ATP6V1C2: variants seen among roughly 807,000 people sequenced by gnomAD.
The protein encoded by ATP6V1C2 is ATPase H+ transporting V1 subunit C2.
ATP6V1C2 carries 45 observed loss-of-function variants against 56.8 expected under a neutral mutation model. The observed-to-expected ratio is 0.79, with a 90% CI of 0.62 to 1.02. The LOEUF (loss-of-function observed/expected upper bound fraction) is 1.02, where lower values mean the gene tolerates loss of function less well. Among genes scored for constraint, ATP6V1C2 ranks in the 50% least tolerant of loss-of-function variants. The probability of loss-of-function intolerance (pLI) is 0.00; values close to 1 mark genes in which losing one functional copy is unlikely to be tolerated. For missense variants in ATP6V1C2, 463 were observed against 519.7 expected (o/e 0.89, Z 1.06); for synonymous variants, 220 against 201.3 (o/e 1.09, Z -0.79).
Position 10,777,566 on chromosome 2 carries a change from A to G in ATP6V1C2, c.826-19A>G, listed in dbSNP as rs763772570. On this transcript the variant is annotated intron_variant, in intron 10 of 13. Transcript: ENST00000272238. ...TGCATGTTTGCTGAAAGATTAATAA[A>G]TCATTTCTGTGCCTTTAGCAAACTT... The G allele has an allele frequency of 2.1e-5, 34 of 1,602,110 alleles. No homozygotes were observed. Among genetic ancestry groups the G allele is most frequent in the Non-Finnish European group, 2.4e-5 (28 of 1,176,790 alleles).
chr2:10,729,249 C>T (rs1188799089), intron 3 of ATP6V1C2, among the ~76,000 whole-genome samples: 1 of 151,538 alleles, frequency 6.6e-6, no homozygotes, highest in Non-Finnish European at 1.5e-5. Flanking sequence ...ACTACAGCCT[C>T]TGCCTCCCAA....
intron 8 of ATP6V1C2, among the ~76,000 whole-genome samples, chr2:10,773,400 T>A (rs536674450): frequency 6.6e-6 from 1 of 152,314 alleles, no homozygotes; most frequent in Non-Finnish European, 1.5e-5. Context: ...TTCCTTTTTT[T>A]GAGATGGAGT....
In ATP6V1C2 at chr2:10,772,617, G is replaced by A; in HGVS notation, c.638+7G>A. 1.2e-6 allele frequency: 2 copies of A among 1,613,172 alleles called. No homozygotes were observed. The highest frequency in any genetic ancestry group is 1.7e-6 in the Non-Finnish European group (2 of 1,179,136). On this transcript the variant is annotated splice_region_variant and intron_variant, in intron 8 of 13. Transcript: ENST00000272238. ...TGGTCCCTCGATCAACCAAGTAAGT[G>A]AGACCCCAGCTTGGTCCCAGGGCCC...
chr2:10,725,636 G>A (rs1160626695), intron 2 of ATP6V1C2, among the ~76,000 whole-genome samples: 2 of 150,306 alleles, frequency 1.3e-5, no homozygotes, highest in African/African-American at 2.4e-5. Flanking sequence ...CTTGGATTAC[G>A]GGCACATGCC....
intron 3 of ATP6V1C2, among the ~76,000 whole-genome samples, chr2:10,728,655 AG>A (rs895467412): frequency 6.6e-6 from 1 of 151,904 alleles, no homozygotes; most frequent in African/African-American, 2.4e-5. Context: ...ATGTGCCTGT[AG>A]TGCCAGCTAT....
chr2:10,742,409 C>T (rs1163845900), intron 3 of ATP6V1C2, among the ~76,000 whole-genome samples: 3 of 152,162 alleles, frequency 2.0e-5, no homozygotes, highest in African/African-American at 7.2e-5. Context: ...AAGGGAGCGG[C>T]CTGTGCAGTT....
At chr2:10,764,285 T>G in intron 4 of ATP6V1C2, 46 bp from the exon 5 acceptor site, 1 of 1,493,470 alleles carries the variant, frequency 6.7e-7, no homozygotes, top group South Asian at 1.1e-5. Flanking sequence ...CAATCATGGA[T>G]GCAGAGCGCA....
chr2:10,770,918 A>G (rs1206186454), intron 6 of ATP6V1C2, among the ~76,000 whole-genome samples: 1 of 152,228 alleles, frequency 6.6e-6, no homozygotes, highest in Non-Finnish European at 1.5e-5. Context: ...TTATTCATTC[A>G]ACAAACGTGT....
At chr2:10,765,735 G>A (rs533069734) in intron 5 of ATP6V1C2, among the ~76,000 whole-genome samples, 4 of 152,342 alleles carry the variant, frequency 2.6e-5, no homozygotes, top group African/African-American at 9.6e-5. Flanking sequence ...GTCCACCAAG[G>A]AACTGGAAGC....
In ATP6V1C2 at chr2:10,777,625, TC is replaced by T. The variant is rs1347900973; in HGVS notation, c.869del (p.Pro290ArgfsTer7). The T allele has an allele frequency of 6.2e-7, 1 of 1,613,948 alleles. No homozygotes were observed. The highest frequency in any genetic ancestry group is 8.5e-7 in the Non-Finnish European group (1 of 1,180,004). ...CVALKKGSST[F>X]PDHKVKVTPL... is the part of the protein sequence containing the mutation. ...GCTCTTAAAAAGGGATCATCCACCT[TC>T]CCGGACCACAAGGTTAAGGTAACCC... On this transcript the variant is annotated frameshift_variant, in exon 11 of 14. Coordinates refer to ENST00000272238, the MANE Select transcript of ATP6V1C2 (RefSeq NM_001039362.2). LOFTEE classifies it high-confidence loss of function.
At chr2:10,742,277 G>T (rs1318093144) in intron 3 of ATP6V1C2, among the ~76,000 whole-genome samples, 1 of 152,142 alleles carries the variant, frequency 6.6e-6, no homozygotes, top group African/African-American at 2.4e-5. Context: ...GAAAATCCAG[G>T]GAGGGAGAAA....
intron 11 of ATP6V1C2, among the ~76,000 whole-genome samples, chr2:10,778,117 G>A (rs1665116894): frequency 6.6e-6 from 1 of 152,158 alleles, no homozygotes; most frequent in Non-Finnish European, 1.5e-5. Flanking sequence ...AGACTCTTGA[G>A]CTCCCAGGAA....
intron 10 of ATP6V1C2, among the ~76,000 whole-genome samples, chr2:10,776,702 G>A (rs1665013803): frequency 6.6e-6 from 1 of 152,212 alleles, no homozygotes; most frequent in Non-Finnish European, 1.5e-5. Flanking sequence ...AGGCCCTGCT[G>A]GGGGACAGGT....
chr2:10,759,029 CT>C (rs1324064787), intron 4 of ATP6V1C2, among the ~76,000 whole-genome samples: 2 of 152,230 alleles, frequency 1.3e-5, no homozygotes, highest in Non-Finnish European at 2.9e-5. Context: ...GGAAATCTTT[CT>C]CTTCTGCAGG....
chr2:10,745,926 C>T lies in ATP6V1C2; in HGVS notation c.198-8055C>T, dbSNP rs188194340. On this transcript the variant is annotated intron_variant, in intron 3 of 13. Transcript: ENST00000272238. Reference sequence around the variant, plus strand: ...TCAGCATGATGTCTTCAATGTCTTACAGCATGTCAGAATTCCCTTCCTTTT... The same window carrying T: ...TCAGCATGATGTCTTCAATGTCTTATAGCATGTCAGAATTCCCTTCCTTTT... Among the ~76,000 whole-genome samples the T allele has an allele frequency of 2.0e-5, 3 of 152,218 alleles. No individual in the cohort carries two copies. The East Asian group carries it at 5.8e-4, about 29-fold the overall frequency.
intron 12 of ATP6V1C2, among the ~76,000 whole-genome samples, chr2:10,779,561 C>CT (rs1267472328): frequency 6.6e-6 from 1 of 150,908 alleles, no homozygotes; most frequent in Non-Finnish European, 1.5e-5. Flanking sequence ...TGGCATGGGC[C>CT]TGTAGTACTG....
chr2:10,768,917 G>C (rs1664404023), intron 6 of ATP6V1C2, 107 bp downstream of exon 6: 2 of 858,834 alleles, frequency 2.3e-6, no homozygotes, highest in South Asian at 3.0e-5. Flanking sequence ...CCATGCATGA[G>C]AGTGAGACAG....
chr2:10,722,000 G>C (rs1047824980), intron 1 of ATP6V1C2, among the ~76,000 whole-genome samples: 1 of 152,226 alleles, frequency 6.6e-6, no homozygotes, highest in Non-Finnish European at 1.5e-5. Flanking sequence ...GATTGGAGCG[G>C]GACCGGGAGT....
rs373515315 is a variant in ATP6V1C2 at position 10,734,467 on chromosome 2, G to C, written c.197+7898G>C. Among the ~76,000 whole-genome samples, 15 of 152,262 alleles carry C rather than the reference G, an allele frequency of 9.9e-5. 1 individual carries two copies. In the East Asian group the frequency reaches 1.3e-3, roughly 14 times the overall value. On this transcript the variant is annotated intron_variant, in intron 3 of 13. Transcript: ENST00000272238. Reference sequence around the variant, plus strand: ...GCTTATGATTAGATCCCTAGCACCTGTAACATGGCGGCCCTTGGTGACTGA... The same window carrying C: ...GCTTATGATTAGATCCCTAGCACCTCTAACATGGCGGCCCTTGGTGACTGA...
Sources: gnomAD v4.1 joint callset for allele counts (sites outside exome capture counted in the v4.1 genomes callset) on GRCh38, gnomAD v4.1.1 for gene constraint, MANE v1.5 for transcripts, NCBI Gene and HGNC (gene_info 2026-07-23, HGNC 2026-07-21) for gene names.